Variants in AGTPBP1 observed in about 807,000 individuals in gnomAD.
The protein encoded by AGTPBP1 is ATP/GTP binding carboxypeptidase 1, also known as cytosolic carboxypeptidase 1.
AGTPBP1 carries 70 observed loss-of-function variants against 143.9 expected under a neutral mutation model. The observed-to-expected ratio is 0.49, with a 90% CI of 0.40 to 0.59. The LOEUF (loss-of-function observed/expected upper bound fraction) is 0.59, where lower values mean the gene tolerates loss of function less well. Among genes scored for constraint, AGTPBP1 ranks in the 20% least tolerant of loss-of-function variants. AGTPBP1 has a pLI of 0.00. For synonymous variants in AGTPBP1, 463 were observed against 500.2 expected (o/e 0.93, Z 0.99); for missense variants, 1,229 against 1,464.5 (o/e 0.84, Z 2.62).
the AGTPBP1 span, among the ~76,000 whole-genome samples, chr9:85,799,041 C>T: frequency 6.6e-6 from 1 of 152,082 alleles, no homozygotes; most frequent in Non-Finnish European, 1.5e-5. Context: ...TCCAAATGTT[C>T]TCATTGTTCA....
At position 85,619,121 on chromosome 9, in the gene AGTPBP1, C is replaced by T; in HGVS notation, c.2197G>A (p.Asp733Asn). ...TTTATGTCTGAGTTCAGAATAAGAT[C>T]ATATTCATTTCTGAAAATAGAAGAC... ...KVIQIRKNEY[D>N]LILNSDINSN... The change falls in exon 17 of 26, where the codon GAT (aspartate) becomes AAT (asparagine). Residue 733 changes from aspartate to asparagine, a missense_variant. Asp to Asn is a conservative substitution (Grantham distance 23). Around this residue, in one of 2 missense-constraint regions of AGTPBP1, gnomAD observed 486 missense variants for 652.3 expected, o/e 0.75. Transcript: ENST00000357081. The T allele has an allele frequency of 6.2e-7, 1 of 1,612,764 alleles. No individual in the cohort carries two copies. The highest frequency in any genetic ancestry group is 8.5e-7 in the Non-Finnish European group (1 of 1,179,276).
chr9:85,569,774 T>G (rs1827344357), intron 25 of AGTPBP1, among the ~76,000 whole-genome samples: 1 of 152,232 alleles, frequency 6.6e-6, no homozygotes. Flanking sequence ...GCTTACATCA[T>G]AGAAGTCCCA....
chr9:85,720,950 T>C (rs1219240723), intron 1 of AGTPBP1, among the ~76,000 whole-genome samples: 1 of 152,230 alleles, frequency 6.6e-6, no homozygotes, highest in African/African-American at 2.4e-5. Flanking sequence ...GAGCAGGTTG[T>C]TCAGTTTCCA....
the AGTPBP1 span, among the ~76,000 whole-genome samples, chr9:85,792,404 G>A: frequency 6.6e-6 from 1 of 152,196 alleles, no homozygotes; most frequent in African/African-American, 2.4e-5. Context: ...TTTTAATACT[G>A]AGGAGTTAAT....
chr9:85,620,596 C>T (rs969979451), intron 15 of AGTPBP1, among the ~76,000 whole-genome samples: 1 of 152,026 alleles, frequency 6.6e-6, no homozygotes, highest in Non-Finnish European at 1.5e-5. Flanking sequence ...TTGTAATTTT[C>T]ATTTATTTAC....
chr9:85,672,513 C>T (rs370546462), intron 7 of AGTPBP1, 37 bp downstream of exon 7: 90 of 1,587,510 alleles, frequency 5.7e-5, no homozygotes, highest in Non-Finnish European at 7.2e-5. Flanking sequence ...TGTAACTTTA[C>T]AACACTGAGT....
chr9:85,637,040 GTTTTT>G, intron 13 of AGTPBP1, among the ~76,000 whole-genome samples: 1 of 126,476 alleles, frequency 7.9e-6, no homozygotes, highest in Non-Finnish European at 1.7e-5. Flanking sequence ...TCCCCAAAAA[GTTTTT>G]TTTTTTTTTT....
intron 17 of AGTPBP1, among the ~76,000 whole-genome samples, chr9:85,609,948 T>C (rs909514726): frequency 2.6e-5 from 4 of 151,742 alleles, no homozygotes; most frequent in Non-Finnish European, 4.4e-5. Flanking sequence ...AAGAAGGAAA[T>C]GTAGGAAAGC....
At chr9:85,715,616 A>G (rs1837654312) in intron 1 of AGTPBP1, among the ~76,000 whole-genome samples, 1 of 152,216 alleles carries the variant, frequency 6.6e-6, no homozygotes, top group African/African-American at 2.4e-5. Context: ...TCTAGGCTTA[A>G]GAGTCCCCCA....
At chr9:85,662,147 T>C (rs1164839474) in intron 8 of AGTPBP1, among the ~76,000 whole-genome samples, 1 of 151,996 alleles carries the variant, frequency 6.6e-6, no homozygotes, top group Admixed American at 6.6e-5. Context: ...GCATAACAGA[T>C]TACAAGACTT....
rs778987120 is a variant in AGTPBP1, at chr9:85,692,704, G to A, written c.142C>T (p.Leu48=). The A allele has an allele frequency of 6.2e-7, 1 of 1,613,748 alleles. No homozygotes were observed. Among genetic ancestry groups the A allele is most frequent in the African/African-American group, 1.3e-5 (1 of 74,910 alleles). ...ARYVTSKILH[L]AQSQEKTRRE... The stretch of plus-strand genomic sequence containing the variant: ...CAATGTTTACCTTGACTCTGAGCCA[G>A]ATGAAGAATTTTTGATGTAACATAT... The change falls in exon 3 of 26, where the codon CTG becomes TTG. Residue 48 remains leucine (L), a synonymous_variant. Transcript: ENST00000357081.
chr9:85,618,459 C>T (rs1272538838), intron 17 of AGTPBP1, among the ~76,000 whole-genome samples: 1 of 151,962 alleles, frequency 6.6e-6, no homozygotes, highest in African/African-American at 2.4e-5. Flanking sequence ...AACAAAAAGA[C>T]AACTATAGAC....
the AGTPBP1 span, chr9:85,793,617 A>T: frequency 6.6e-6 from 1 of 152,204 alleles, no homozygotes; most frequent in Non-Finnish European, 1.5e-5. Flanking sequence ...GAACAAATAA[A>T]TCAGAAAAGA....
At chr9:85,639,367 G>GCGCACACACACACACA (rs1554713133) in intron 13 of AGTPBP1, among the ~76,000 whole-genome samples, 3 of 147,232 alleles carry the variant, frequency 2.0e-5, no homozygotes, top group African/African-American at 4.9e-5. Context: ...GCGCGCACGC[G>GCGCACACACACACACA]CACACACACA....
intron 14 of AGTPBP1, among the ~76,000 whole-genome samples, chr9:85,626,608 A>G (rs1316908651): frequency 6.6e-6 from 1 of 152,188 alleles, no homozygotes; most frequent in Non-Finnish European, 1.5e-5. Flanking sequence ...AATACCTTTA[A>G]CCTGAACTAT....
chr9:85,567,421 T>C (rs1021700709), intron 25 of AGTPBP1, among the ~76,000 whole-genome samples: 2 of 152,046 alleles, frequency 1.3e-5, no homozygotes, highest in African/African-American at 4.8e-5. Flanking sequence ...TGAAGCCCCG[T>C]ATCTACTAAA....
chr9:85,754,270 C>A, the AGTPBP1 span, among the ~76,000 whole-genome samples: 31 of 152,164 alleles, frequency 2.0e-4, no homozygotes, highest in African/African-American at 7.0e-4. Flanking sequence ...CAGCTCACTG[C>A]AAGCTCCGCC....
the AGTPBP1 span, among the ~76,000 whole-genome samples, chr9:85,797,719 T>TA: frequency 1.7e-3 from 249 of 148,978 alleles, 2 homozygotes; most frequent in African/African-American, 2.3e-3. Context: ...GCTGATGAGC[T>TA]AAAAAAAAAA....
At chr9:85,730,417 T>C (rs1344409747) in intron 1 of AGTPBP1, among the ~76,000 whole-genome samples, 2 of 152,166 alleles carry the variant, frequency 1.3e-5, no homozygotes, top group African/African-American at 4.8e-5. Context: ...GGGAAAAGAA[T>C]TGGGCTTCCT....
Sources: allele counts gnomAD v4.1 joint callset (sites outside exome capture counted in the v4.1 genomes callset), GRCh38; gene constraint gnomAD v4.1.1; regional missense constraint gnomAD v4.1.1; transcripts MANE v1.5; gene names NCBI Gene and HGNC (gene_info 2026-07-23, HGNC 2026-07-21).